RANBP17: variants seen among roughly 807,000 people sequenced by gnomAD.
RANBP17 encodes the protein ran-binding protein 17.
A neutral mutation model predicts 141.2 loss-of-function variants in RANBP17; 158 were observed. The ratio of observed to expected loss-of-function variants is 1.12; its 90% CI spans 0.98 to 1.28. The LOEUF is 1.28. Among genes scored for constraint, RANBP17 ranks in the 50% most tolerant of loss-of-function variants. RANBP17 has a pLI of 0.00. For synonymous variants in RANBP17, 430 were observed against 450.0 expected, an observed-to-expected ratio of 0.96 and a Z score of 0.56; for missense variants, 1,438 against 1,290.7, an observed-to-expected ratio of 1.11 and a Z score of -1.75.
chr5:171,154,692 A>G (rs768105234), intron 14 of RANBP17, among the ~76,000 whole-genome samples: 1 of 152,228 alleles, frequency 6.6e-6, no homozygotes, highest in Non-Finnish European at 1.5e-5. Context: ...AAGAAACAGC[A>G]TTGTCAAACA....
intron 14 of RANBP17, among the ~76,000 whole-genome samples, chr5:170,986,482 A>G (rs531506690): frequency 1.3e-5 from 2 of 151,938 alleles, no homozygotes; most frequent in Non-Finnish European, 2.9e-5. Context: ...CAAATGCTTG[A>G]GGTAATGGAT....
intron 25 of RANBP17, 84 bp downstream of exon 25, chr5:171,265,931 G>A (rs1766643118): frequency 7.9e-7 from 1 of 1,261,420 alleles, no homozygotes; most frequent in African/African-American, 1.5e-5. Flanking sequence ...AGAGCAGCTG[G>A]TCTTGCCAAG....
intron 14 of RANBP17, among the ~76,000 whole-genome samples, chr5:171,037,939 T>A (rs1255295870): frequency 6.6e-6 from 1 of 152,064 alleles, no homozygotes; most frequent in Non-Finnish European, 1.5e-5. Flanking sequence ...TTAGAATAGT[T>A]TTTTTTTACT....
chr5:171,061,412 G>A (rs1162987780), intron 14 of RANBP17, among the ~76,000 whole-genome samples: 4 of 151,638 alleles, frequency 2.6e-5, no homozygotes, highest in African/African-American at 7.3e-5. Flanking sequence ...CCTTCATTTC[G>A]TTATGTACCC....
At chr5:171,045,759 A>G (rs1782541943) in intron 14 of RANBP17, among the ~76,000 whole-genome samples, 1 of 152,152 alleles carries the variant, frequency 6.6e-6, no homozygotes, top group Admixed American at 6.6e-5. Flanking sequence ...TTTTAACCCA[A>G]GTATATATTC....
chr5:171,281,190 A>C (rs1193289926), intron 25 of RANBP17, among the ~76,000 whole-genome samples: 1 of 152,198 alleles, frequency 6.6e-6, no homozygotes, highest in Non-Finnish European at 1.5e-5. Context: ...ACCATGGAAA[A>C]GGAGAACATT....
chr5:171,195,758 C>T (rs1272048968), intron 18 of RANBP17, among the ~76,000 whole-genome samples: 1 of 152,164 alleles, frequency 6.6e-6, no homozygotes, highest in Non-Finnish European at 1.5e-5. Flanking sequence ...TGACATTTAC[C>T]AGCTGGAGGA....
At chr5:171,093,038 C>CT (rs2127731329) in intron 14 of RANBP17, among the ~76,000 whole-genome samples, 1 of 152,266 alleles carries the variant, frequency 6.6e-6, no homozygotes, top group South Asian at 2.1e-4. Flanking sequence ...CTACCAGCAT[C>CT]TAAGTCCTCA....
chr5:171,158,967 T>C (rs979124891), intron 14 of RANBP17, among the ~76,000 whole-genome samples: 5 of 152,318 alleles, frequency 3.3e-5, no homozygotes, highest in Middle Eastern at 6.8e-3. Flanking sequence ...CTAGGAAATA[T>C]CACTTGAGAA....
rs530236403 is a variant in RANBP17, at chr5:171,280,485, G to T, written c.2944-13398G>T. ...GGTGGAGACGGGGTTTCACCATAGT[G>T]CCCAGGCTGGTCCCAAACTCCTGAG... On this transcript the variant is annotated intron_variant, in intron 25 of 27. Coordinates refer to ENST00000523189, the MANE Select transcript of RANBP17 (RefSeq NM_022897.5). Among the ~76,000 whole-genome samples the T allele has an allele frequency of 3.9e-5, 6 of 152,064 alleles. No individual in the cohort carries two copies. The South Asian group carries it at 1.2e-3, about 32-fold the overall frequency.
chr5:171,283,532 C>A (rs1027778427), intron 25 of RANBP17, among the ~76,000 whole-genome samples: 1 of 152,212 alleles, frequency 6.6e-6, no homozygotes, highest in Non-Finnish European at 1.5e-5. Context: ...AATAAAAACT[C>A]TCAAATCTGA....
intron 1 of RANBP17, among the ~76,000 whole-genome samples, chr5:170,876,318 G>A (rs576396750): frequency 6.6e-6 from 1 of 152,052 alleles, no homozygotes; most frequent in Non-Finnish European, 1.5e-5. Context: ...GGATTTGCAT[G>A]TTGTTTTGGT....
In RANBP17 at chr5:170,916,268, G is replaced by A. The variant is rs12109666; in HGVS notation, c.835-197G>A. On this transcript the variant is annotated intron_variant, in intron 8 of 27. Transcript: ENST00000523189. ...TATATTCTATATTGCATTATAATGC[G>A]TTATATTCTATATTGCATTATAATG... is the stretch of plus-strand genomic sequence containing the variant. Among the ~76,000 whole-genome samples, 21 of 14,418 alleles carry A rather than the reference G, an allele frequency of 1.5e-3. 7 individuals carry two copies. The highest frequency in any genetic ancestry group is 1.2e-3 in the Non-Finnish European group (6 of 5,102). 9.5% of individuals were successfully genotyped at this position (14,418 alleles called of 152,430 possible). A position where few individuals can be genotyped will look rare whatever the true frequency, so the allele number is the denominator to read the frequency against.
At chr5:170,870,226 A>C (rs1227710541) in intron 1 of RANBP17, among the ~76,000 whole-genome samples, 1 of 152,172 alleles carries the variant, frequency 6.6e-6, no homozygotes, top group African/African-American at 2.4e-5. Flanking sequence ...ATTTTACTTT[A>C]AGTTCTGAGA....
At chr5:171,003,807 G>A (rs189178173) in intron 14 of RANBP17, among the ~76,000 whole-genome samples, 224 of 152,254 alleles carry the variant, frequency 1.5e-3, no homozygotes, top group African/African-American at 4.5e-3. Context: ...GGGTGTCAGC[G>A]TCAGGCCAGG....
At chr5:170,966,180 C>G (rs1314274524) in intron 13 of RANBP17, among the ~76,000 whole-genome samples, 5 of 151,926 alleles carry the variant, frequency 3.3e-5, no homozygotes, top group Admixed American at 2.0e-4. Context: ...GGAATCCTCC[C>G]TAACTCATTT....
At chr5:171,086,606 G>T (rs914394957) in intron 14 of RANBP17, among the ~76,000 whole-genome samples, 8 of 146,572 alleles carry the variant, frequency 5.5e-5, no homozygotes, top group Admixed American at 3.4e-4. Flanking sequence ...ACTCTTTTTG[G>T]TTGGTAAACT....
chr5:171,013,056 A>G (rs1780173180), intron 14 of RANBP17, among the ~76,000 whole-genome samples: 1 of 152,210 alleles, frequency 6.6e-6, no homozygotes, highest in Admixed American at 6.5e-5. Flanking sequence ...GTTAAATCTC[A>G]GAAGACATAT....
intron 14 of RANBP17, among the ~76,000 whole-genome samples, chr5:171,136,892 C>T (rs1464905549): frequency 1.3e-5 from 2 of 151,830 alleles, no homozygotes; most frequent in Admixed American, 6.6e-5. Context: ...CCTAGAGTAA[C>T]TCTTCATTTT....
Sources: allele counts gnomAD v4.1 joint callset (sites outside exome capture counted in the v4.1 genomes callset), GRCh38; gene constraint gnomAD v4.1.1; transcripts MANE v1.5; gene names NCBI Gene and HGNC (gene_info 2026-07-23, HGNC 2026-07-21).